Variants in PCDH9 observed in about 807,000 individuals in gnomAD.
PCDH9 encodes the protein protocadherin 9.
Under a neutral mutation model 70.6 loss-of-function variants are expected in PCDH9, and 24 were observed. The ratio of observed to expected loss-of-function variants is 0.34; its 90% CI spans 0.25 to 0.48. The LOEUF is 0.48. PCDH9 is among the 20% of genes least tolerant of loss of function. The probability of loss-of-function intolerance (pLI) is 0.99; values close to 1 mark genes in which losing one functional copy is unlikely to be tolerated. For missense variants in PCDH9, 1,281 were observed against 1,503.6 expected, an observed-to-expected ratio of 0.85 and a Z score of 2.45; for synonymous variants, 562 against 558.5, an observed-to-expected ratio of 1.01 and a Z score of -0.09.
intron 2 of PCDH9, among the ~76,000 whole-genome samples, chr13:66,958,171 C>A (rs1208512672): frequency 6.6e-6 from 1 of 152,022 alleles, no homozygotes; most frequent in African/African-American, 2.4e-5. Flanking sequence ...TTTGACGGAG[C>A]GTACAATATG....
intron 2 of PCDH9, among the ~76,000 whole-genome samples, chr13:67,060,119 T>C (rs899531218): frequency 6.6e-6 from 1 of 152,038 alleles, no homozygotes; most frequent in Admixed American, 6.6e-5. Context: ...CTATGACGAT[T>C]CACAAAGGAA....
At chr13:66,500,542 A>G (rs2138557984) in intron 4 of PCDH9, among the ~76,000 whole-genome samples, 1 of 152,176 alleles carries the variant, frequency 6.6e-6, no homozygotes, top group Middle Eastern at 3.4e-3. Flanking sequence ...CATGGAAAAC[A>G]TTTAGTAGGG....
At chr13:66,717,791 T>A (rs896312551) in intron 3 of PCDH9, among the ~76,000 whole-genome samples, 4 of 152,034 alleles carry the variant, frequency 2.6e-5, no homozygotes, top group Non-Finnish European at 5.9e-5. Context: ...TAGATCTGAT[T>A]CTCAGAACAG....
At chr13:66,332,057 A>C (rs1030056786) in intron 4 of PCDH9, among the ~76,000 whole-genome samples, 8 of 152,168 alleles carry the variant, frequency 5.3e-5, no homozygotes, top group Non-Finnish European at 1.5e-5. Context: ...CAGCGACTCA[A>C]GGTTGCCAGC....
intron 4 of PCDH9, among the ~76,000 whole-genome samples, chr13:66,619,692 A>G (rs2077399597): frequency 6.6e-6 from 1 of 152,162 alleles, no homozygotes. Flanking sequence ...ATCTGACTCC[A>G]TAGTCTGTGT....
At chr13:66,445,557 AATATATACGTGTATATATT>A (rs1235634652) in intron 4 of PCDH9, among the ~76,000 whole-genome samples, 8 of 143,240 alleles carry the variant, frequency 5.6e-5, no homozygotes, top group African/African-American at 1.8e-4. Context: ...ACACATATAT[AATATATACGTGTATATATT>A]ATATATACAC....
intron 2 of PCDH9, among the ~76,000 whole-genome samples, chr13:66,981,208 G>A (rs1393496720): frequency 2.6e-5 from 4 of 152,152 alleles, no homozygotes; most frequent in African/African-American, 9.7e-5. Context: ...GGAGGCCCAG[G>A]CGGGCGGATC....
At chr13:66,971,565 C>T (rs181561625) in intron 2 of PCDH9, among the ~76,000 whole-genome samples, 1 of 152,054 alleles carries the variant, frequency 6.6e-6, no homozygotes, top group Admixed American at 6.6e-5. Context: ...CCATTACTGC[C>T]TCCTGGCATC....
Position 66,631,399 on chromosome 13 carries a change from C to A in PCDH9, c.3151G>T (p.Val1051Phe). Residue 1051 changes from valine to phenylalanine, a missense_variant, in exon 4 of 5, where the codon GTT becomes TTT. Coordinates refer to ENST00000377865, the MANE Select transcript of PCDH9 (RefSeq NM_203487.3). ...EESHYESQRR[V>F]TFHLPDGSQE... The stretch of plus-strand genomic sequence containing the variant: ...GAGCCATCAGGGAGATGAAACGTAA[C>A]ACGGCGCTGCGACTACAAAGAAGAC... 1.2e-6 allele frequency: 2 copies of A among 1,606,244 alleles called. No individual in the cohort carries two copies. Among genetic ancestry groups the A allele is most frequent in the Non-Finnish European group, 1.7e-6 (2 of 1,172,998 alleles).
At chr13:66,540,860 T>C (rs1258817549) in intron 4 of PCDH9, among the ~76,000 whole-genome samples, 3 of 152,200 alleles carry the variant, frequency 2.0e-5, no homozygotes, top group African/African-American at 7.2e-5. Context: ...ATCAGTTTAA[T>C]GAGTCTTTGG....
chr13:66,318,153 C>A (rs1417046575), intron 4 of PCDH9, among the ~76,000 whole-genome samples: 2 of 152,098 alleles, frequency 1.3e-5, no homozygotes, highest in Non-Finnish European at 2.9e-5. Flanking sequence ...ACACACCTTG[C>A]AAATCCAGGG....
intron 2 of PCDH9, among the ~76,000 whole-genome samples, chr13:67,143,897 C>A (rs1247663416): frequency 6.6e-6 from 1 of 152,176 alleles, no homozygotes; most frequent in Non-Finnish European, 1.5e-5. Context: ...CTGAAGAGTG[C>A]ATCCCTACAG....
intron 3 of PCDH9, among the ~76,000 whole-genome samples, chr13:66,791,585 G>A (rs1327405448): frequency 1.3e-5 from 2 of 152,000 alleles, no homozygotes. Flanking sequence ...AAATAATTAT[G>A]TTTTTACATA....
At position 67,040,393 on chromosome 13, in the gene PCDH9, T is replaced by C. The variant is rs569352234; in HGVS notation, c.3037-136788A>G. 2.6e-5 allele frequency among the ~76,000 whole-genome samples: 4 copies of C among 152,316 alleles called. No homozygotes were observed. The South Asian group carries it at 8.3e-4, about 32-fold the overall frequency. On this transcript the variant is annotated intron_variant, in intron 2 of 4. Coordinates refer to ENST00000377865, the MANE Select transcript of PCDH9 (RefSeq NM_203487.3). Reference sequence around the variant, plus strand: ...AGGAGGCTGAGGCGGAAAGACTGTGTGAGCCCAGGAGTTCAACATCAGCCT... The same window carrying C: ...AGGAGGCTGAGGCGGAAAGACTGTGCGAGCCCAGGAGTTCAACATCAGCCT...
intron 3 of PCDH9, among the ~76,000 whole-genome samples, chr13:66,697,791 G>T (rs1007993345): frequency 6.6e-6 from 1 of 152,112 alleles, no homozygotes; most frequent in Admixed American, 6.5e-5. Flanking sequence ...CCCAAAAGAA[G>T]TGAAAGCTAG....
intron 2 of PCDH9, among the ~76,000 whole-genome samples, chr13:67,194,263 A>C (rs2138030324): frequency 6.6e-6 from 1 of 152,274 alleles, no homozygotes; most frequent in South Asian, 2.1e-4. Flanking sequence ...TCTCTGTTTT[A>C]CTAATGTTGA....
chr13:67,050,844 A>G (rs1400570069), intron 2 of PCDH9, among the ~76,000 whole-genome samples: 3 of 152,106 alleles, frequency 2.0e-5, no homozygotes, highest in African/African-American at 4.8e-5. Flanking sequence ...TCCATATTTC[A>G]TATTGCTTCT....
chr13:66,709,998 A>C (rs2078770694), intron 3 of PCDH9, among the ~76,000 whole-genome samples: 1 of 152,016 alleles, frequency 6.6e-6, no homozygotes, highest in African/African-American at 2.4e-5. Context: ...ATATCAATGG[A>C]TTTTTCTGTT....
chr13:66,494,838 G>T (rs1410076903), intron 4 of PCDH9, among the ~76,000 whole-genome samples: 1 of 152,084 alleles, frequency 6.6e-6, no homozygotes, highest in Non-Finnish European at 1.5e-5. Flanking sequence ...TCAACCAAAG[G>T]CAATGTCTTA....
Sources: gnomAD v4.1 joint callset for allele counts (sites outside exome capture counted in the v4.1 genomes callset) on GRCh38, gnomAD v4.1.1 for gene constraint, MANE v1.5 for transcripts, NCBI Gene and HGNC (gene_info 2026-07-23, HGNC 2026-07-21) for gene names.